The following DTNB variants were observed in gnomAD, a reference collection of about 807,000 sequenced individuals.
DTNB encodes DTN-B.
Under a neutral mutation model 90.7 loss-of-function variants are expected in DTNB, and 63 were observed. The ratio of observed to expected loss-of-function variants is 0.69; its 90% CI spans 0.57 to 0.86. DTNB has a LOEUF of 0.86. DTNB is among the 40% of genes least tolerant of loss of function. The pLI, the probability that DTNB is intolerant of heterozygous loss-of-function variation, is 0.00. For missense variants in DTNB, 744 were observed against 807.1 expected, an observed-to-expected ratio of 0.92 and a Z score of 0.95; for synonymous variants, 277 against 286.7, an observed-to-expected ratio of 0.97 and a Z score of 0.34.
chr2:25,503,249 G>A (rs1424648657), intron 9 of DTNB, among the ~76,000 whole-genome samples: 1 of 151,918 alleles, frequency 6.6e-6, no homozygotes, highest in African/African-American at 2.4e-5. Context: ...CAACACTTTG[G>A]TAGGTTGAGA....
intron 12 of DTNB, among the ~76,000 whole-genome samples, chr2:25,441,989 C>G (rs868584516): frequency 1.3e-5 from 2 of 152,086 alleles, no homozygotes; most frequent in Non-Finnish European, 1.5e-5. Context: ...TTAACTTATT[C>G]CAGACCAAAC....
intron 19 of DTNB, among the ~76,000 whole-genome samples, chr2:25,381,381 CTTTTAT>C (rs1237514972): frequency 6.6e-6 from 1 of 152,008 alleles, no homozygotes; most frequent in African/African-American, 2.4e-5. Flanking sequence ...CTAATGTGAC[CTTTTAT>C]TTTTATTTTT....
At chr2:25,467,175 C>T (rs2061938002) in intron 10 of DTNB, among the ~76,000 whole-genome samples, 1 of 152,182 alleles carries the variant, frequency 6.6e-6, no homozygotes, top group South Asian at 2.1e-4. Context: ...AGATTCATCT[C>T]CATATTTGTT....
chr2:25,383,817 C>T lies in DTNB; in HGVS notation c.1879+19G>A. 1 of 1,614,040 alleles carries T rather than the reference C, an allele frequency of 6.2e-7. No homozygotes were observed. Among genetic ancestry groups the T allele is most frequent in the Non-Finnish European group, 8.5e-7 (1 of 1,179,896 alleles). On this transcript the variant is annotated intron_variant, in intron 19 of 20. Transcript: ENST00000406818. ...CGGGCTCCCCATTTAAACGAGCAGT[C>T]CTGCTGAGCTGCCTTTACCTCTGTC...
At chr2:25,637,448 C>T (rs1196096176) in intron 3 of DTNB, among the ~76,000 whole-genome samples, 1 of 152,138 alleles carries the variant, frequency 6.6e-6, no homozygotes, top group Non-Finnish European at 1.5e-5. Context: ...AAAATTTTTG[C>T]CACCTACCCA....
chr2:25,663,285 G>A (rs1256676677), intron 1 of DTNB, among the ~76,000 whole-genome samples: 3 of 152,160 alleles, frequency 2.0e-5, no homozygotes, highest in African/African-American at 4.8e-5. Flanking sequence ...GTGTGTATGT[G>A]CCATATTTTC....
chr2:25,404,119 C>G (rs535078194), intron 16 of DTNB, among the ~76,000 whole-genome samples: 4 of 152,268 alleles, frequency 2.6e-5, no homozygotes, highest in South Asian at 2.1e-4. Flanking sequence ...ACCTGTTGTT[C>G]TTCTACTTTG....
At chr2:25,562,625 G>T (rs555403257) in intron 8 of DTNB, among the ~76,000 whole-genome samples, 1 of 152,120 alleles carries the variant, frequency 6.6e-6, no homozygotes, top group Non-Finnish European at 1.5e-5. Flanking sequence ...CTGTCCTACT[G>T]GGTACGAAAT....
Position 25,604,203 on chromosome 2 carries a change from CCAACAA to C in DTNB, c.448+3027_448+3032del, listed in dbSNP as rs142633355. ...ACTGCCGCCACCACCACCACCACCA[CCAACAA>C]CAACAAAAAACTCAAGAACTGAAAA... On this transcript the variant is annotated intron_variant, in intron 5 of 20. Coordinates refer to ENST00000406818, the MANE Select transcript of DTNB (RefSeq NM_021907.5). 8.0e-4 allele frequency among the ~76,000 whole-genome samples: 122 copies of C among 152,078 alleles called. No homozygotes were observed. The East Asian group carries it at 0.022, about 27-fold the overall frequency.
At chr2:25,671,391 A>G (rs1254304723) in intron 1 of DTNB, among the ~76,000 whole-genome samples, 2 of 152,202 alleles carry the variant, frequency 1.3e-5, no homozygotes, top group Non-Finnish European at 2.9e-5. Flanking sequence ...CATAAACAAA[A>G]TATCATTGAG....
chr2:25,578,331 A>G (rs922485286), intron 7 of DTNB, among the ~76,000 whole-genome samples: 3 of 152,242 alleles, frequency 2.0e-5, no homozygotes, highest in Admixed American at 6.5e-5. Context: ...TGGAAATGCT[A>G]ATTAAGAGCA....
chr2:25,566,793 CAG>C (rs1308560058), intron 8 of DTNB, among the ~76,000 whole-genome samples: 5 of 152,138 alleles, frequency 3.3e-5, no homozygotes, highest in Admixed American at 1.3e-4. Context: ...TCAATGGAGA[CAG>C]GGGGTGGAAG....
chr2:25,401,494 G>A (rs1345188257), intron 16 of DTNB, among the ~76,000 whole-genome samples: 3 of 152,220 alleles, frequency 2.0e-5, no homozygotes, highest in Non-Finnish European at 4.4e-5. Flanking sequence ...CCAGCTGCAC[G>A]GAGAGAAAGG....
chr2:25,552,780 C>A (rs1342783950), intron 8 of DTNB, among the ~76,000 whole-genome samples: 7 of 135,882 alleles, frequency 5.2e-5, no homozygotes, highest in Admixed American at 5.1e-4. Flanking sequence ...ATTCCCATTT[C>A]TTTTTATACA....
intron 8 of DTNB, among the ~76,000 whole-genome samples, chr2:25,550,932 G>A (rs2083520707): frequency 6.6e-6 from 1 of 152,216 alleles, no homozygotes. Context: ...TTATAGGCGT[G>A]AGCCACAGCA....
chr2:25,653,574 C>T (rs1203757802), intron 1 of DTNB, among the ~76,000 whole-genome samples: 2 of 138,822 alleles, frequency 1.4e-5, no homozygotes, highest in South Asian at 2.3e-4. Flanking sequence ...TGCAGTGGTG[C>T]GATCTCAGCT....
intron 19 of DTNB, among the ~76,000 whole-genome samples, chr2:25,381,412 C>G (rs1376741626): frequency 6.6e-6 from 1 of 152,114 alleles, no homozygotes; most frequent in Non-Finnish European, 1.5e-5. Flanking sequence ...TAGGGCTTTG[C>G]TCTGTTATCC....
chr2:25,382,569 C>T lies in DTNB; in HGVS notation c.1879+1267G>A, dbSNP rs551799325. Among the ~76,000 whole-genome samples, 11 of 120,468 alleles carry T rather than the reference C, an allele frequency of 9.1e-5. No individual in the cohort carries two copies. In the South Asian group the frequency reaches 3.0e-3, roughly 32 times the overall value. 79.0% of individuals were successfully genotyped at this position (120,468 alleles called of 152,430 possible). A position where few individuals can be genotyped will look rare whatever the true frequency, so the allele number is the denominator to read the frequency against. The stretch of plus-strand genomic sequence containing the variant: ...TTTGAGACAGAGTCTCTCTTTGTTG[C>T]CCAGGCTGGAGTGCAGTTGCGTGAT... On this transcript the variant is annotated intron_variant, in intron 19 of 20. Coordinates refer to ENST00000406818, the MANE Select transcript of DTNB (RefSeq NM_021907.5).
chr2:25,657,123 C>G (rs559987064), intron 1 of DTNB, among the ~76,000 whole-genome samples: 1 of 152,184 alleles, frequency 6.6e-6, no homozygotes, highest in South Asian at 2.1e-4. Flanking sequence ...TTGCACTGAG[C>G]CGAGATCATG....
Sources: gnomAD v4.1 joint callset for allele counts (sites outside exome capture counted in the v4.1 genomes callset) on GRCh38, gnomAD v4.1.1 for gene constraint, MANE v1.5 for transcripts, NCBI Gene and HGNC (gene_info 2026-07-23, HGNC 2026-07-21) for gene names.